The following RHOA variants were observed in gnomAD, a reference collection of about 807,000 sequenced individuals.
RHOA encodes transforming protein RhoA.
A neutral mutation model predicts 17.5 loss-of-function variants in RHOA; 3 were observed. The ratio of observed to expected loss-of-function variants is 0.17; its 90% CI spans 0.08 to 0.44. RHOA has a LOEUF of 0.44. Among genes scored for constraint, RHOA ranks in the 20% least tolerant of loss-of-function variants. RHOA has a pLI of 0.99. For missense variants in RHOA, 56 were observed against 242.3 expected, an observed-to-expected ratio of 0.23 and a Z score of 5.10; for synonymous variants, 98 against 88.4, an observed-to-expected ratio of 1.11 and a Z score of -0.61.
intron 1 of RHOA, among the ~76,000 whole-genome samples, chr3:49,402,820 A>G (rs1053636083): frequency 1.2e-4 from 18 of 151,856 alleles, no homozygotes; most frequent in Admixed American, 6.6e-5. Flanking sequence ...GGAGGATCAC[A>G]AGGTCAGGCC....
chr3:49,394,226 G>A (rs1366539201), intron 1 of RHOA, among the ~76,000 whole-genome samples: 5 of 149,514 alleles, frequency 3.3e-5, no homozygotes, highest in African/African-American at 4.9e-5. Context: ...GGCTGGTCTC[G>A]AACTCCTGAC....
At chr3:49,364,481 G>A (rs565917752) in intron 3 of RHOA, among the ~76,000 whole-genome samples, 6 of 151,648 alleles carry the variant, frequency 4.0e-5, no homozygotes, top group African/African-American at 7.3e-5. Flanking sequence ...GCGAAACTCC[G>A]TCTCAAAAAC....
intron 1 of RHOA, among the ~76,000 whole-genome samples, chr3:49,389,515 C>G (rs1002264287): frequency 1.4e-4 from 21 of 152,270 alleles, no homozygotes; most frequent in Middle Eastern, 3.4e-3. Flanking sequence ...GGTCTATTTC[C>G]AGCCACATGT....
chr3:49,399,250 G>C (rs1175326851), intron 1 of RHOA, among the ~76,000 whole-genome samples: 1 of 151,136 alleles, frequency 6.6e-6, no homozygotes, highest in Non-Finnish European at 1.5e-5. Context: ...GGCACCTGTA[G>C]TCCCAGCTAC....
chr3:49,376,425 C>T (rs950603111), intron 1 of RHOA, among the ~76,000 whole-genome samples: 1 of 149,906 alleles, frequency 6.7e-6, no homozygotes, highest in South Asian at 2.1e-4. Flanking sequence ...GGGTGGATCA[C>T]GAGGTCAGGA....
At chr3:49,390,230 G>A (rs926503096) in intron 1 of RHOA, among the ~76,000 whole-genome samples, 4 of 151,934 alleles carry the variant, frequency 2.6e-5, no homozygotes, top group Non-Finnish European at 5.9e-5. Context: ...CACCTCCCGG[G>A]TTCAAGCGAT....
chr3:49,365,900 T>A (rs1388810976), intron 3 of RHOA, among the ~76,000 whole-genome samples: 2 of 151,966 alleles, frequency 1.3e-5, no homozygotes, highest in Non-Finnish European at 2.9e-5. Context: ...CTAAAAAATA[T>A]AAAAATTAAC....
At chr3:49,385,897 T>A (rs1433612005) in intron 1 of RHOA, among the ~76,000 whole-genome samples, 1 of 152,166 alleles carries the variant, frequency 6.6e-6, no homozygotes, top group African/African-American at 2.4e-5. Flanking sequence ...AATTAGCAAC[T>A]GAGGGTTTAC....
intron 2 of RHOA, among the ~76,000 whole-genome samples, chr3:49,370,802 T>C (rs1575649465): frequency 6.6e-6 from 1 of 152,276 alleles, no homozygotes; most frequent in East Asian, 1.9e-4. Context: ...CAGAGGCCCT[T>C]TGAGGCCCAA....
intron 1 of RHOA, among the ~76,000 whole-genome samples, chr3:49,381,655 A>C (rs1287175402): frequency 1.3e-5 from 2 of 151,676 alleles, no homozygotes; most frequent in Non-Finnish European, 2.9e-5. Flanking sequence ...TCACGATGTC[A>C]GGAGTTCGAG....
chr3:49,388,815 T>G (rs1310501264), intron 1 of RHOA, among the ~76,000 whole-genome samples: 1 of 152,192 alleles, frequency 6.6e-6, no homozygotes, highest in East Asian at 1.9e-4. Flanking sequence ...GTTCATTAGC[T>G]TTTAATTAAC....
intron 1 of RHOA, among the ~76,000 whole-genome samples, chr3:49,396,345 G>A (rs1409455218): frequency 1.3e-5 from 2 of 152,092 alleles, no homozygotes; most frequent in Non-Finnish European, 2.9e-5. Flanking sequence ...AGGCTGAGGA[G>A]GATGGATCAT....
intron 1 of RHOA, among the ~76,000 whole-genome samples, chr3:49,404,896 G>A (rs1420521568): frequency 2.7e-5 from 4 of 150,786 alleles, no homozygotes; most frequent in East Asian, 1.9e-4. Context: ...CCGAGATCAC[G>A]CCACTGCACT....
chr3:49,392,914 C>A (rs1303956185), intron 1 of RHOA, among the ~76,000 whole-genome samples: 8 of 152,148 alleles, frequency 5.3e-5, no homozygotes, highest in African/African-American at 1.9e-4. Context: ...TGATGGCTCA[C>A]TTCTGTAATC....
At chr3:49,379,450 TGTG>T (rs1249663416) in intron 1 of RHOA, among the ~76,000 whole-genome samples, 1 of 152,168 alleles carries the variant, frequency 6.6e-6, no homozygotes, top group Admixed American at 6.6e-5. Context: ...CCAAAATTAT[TGTG>T]GTGATGGCTG....
At chr3:49,399,136 G>T (rs190230674) in intron 1 of RHOA, among the ~76,000 whole-genome samples, 2 of 148,458 alleles carry the variant, frequency 1.3e-5, no homozygotes, top group Non-Finnish European at 3.0e-5. Context: ...CTGGGAGGCC[G>T]AGGCAGGCAG....
intron 1 of RHOA, among the ~76,000 whole-genome samples, chr3:49,409,303 G>A (rs2048893569): frequency 6.6e-6 from 1 of 152,120 alleles, no homozygotes; most frequent in South Asian, 2.1e-4. Flanking sequence ...GCCGAGGCAG[G>A]AGAATCACTT....
At chr3:49,406,270 T>C (rs2048831345) in intron 1 of RHOA, among the ~76,000 whole-genome samples, 1 of 152,278 alleles carries the variant, frequency 6.6e-6, no homozygotes, top group South Asian at 2.1e-4. Flanking sequence ...TAGTAGAGCA[T>C]ATGATCTCTA....
At chr3:49,404,517 A>G (rs1026395481) in intron 1 of RHOA, among the ~76,000 whole-genome samples, 10 of 141,514 alleles carry the variant, frequency 7.1e-5, no homozygotes. Flanking sequence ...AGGCTGAGGC[A>G]GGAGAATCGC....
Sources: gnomAD v4.1 joint callset for allele counts (sites outside exome capture counted in the v4.1 genomes callset) on GRCh38, gnomAD v4.1.1 for gene constraint, MANE v1.5 for transcripts, NCBI Gene and HGNC (gene_info 2026-07-23, HGNC 2026-07-21) for gene names.